CMIP: variants seen among roughly 807,000 people sequenced by gnomAD.
The protein encoded by CMIP is C-Maf-inducing protein.
In CMIP, 13 loss-of-function variants were observed where a neutral mutation model predicts 97.3. The ratio of observed to expected loss-of-function variants is 0.13; its 90% CI spans 0.09 to 0.21. CMIP has a LOEUF of 0.21. Among genes scored for constraint, CMIP ranks in the 10% least tolerant of loss-of-function variants. CMIP has a pLI of 1.00. For synonymous variants in CMIP, 538 were observed against 436.3 expected (o/e 1.23, Z -2.91); for missense variants, 847 against 1,024.9 (o/e 0.83, Z 2.37).
At chr16:81,691,934 G>T (rs1196706448) in intron 11 of CMIP, 94 bp downstream of exon 11, 2 of 1,110,822 alleles carry the variant, frequency 1.8e-6, no homozygotes, top group Non-Finnish European at 1.4e-6. Flanking sequence ...CATGTTATGG[G>T]GAAGCGAAGT....
At chr16:81,706,842 T>C (rs1289684632) in intron 19 of CMIP, among the ~76,000 whole-genome samples, 172 bp from the exon 20 acceptor site, 1 of 152,156 alleles carries the variant, frequency 6.6e-6, no homozygotes, top group Non-Finnish European at 1.5e-5. Flanking sequence ...AAATAGACTT[T>C]CGGTGTCTAG....
intron 1 of CMIP, among the ~76,000 whole-genome samples, chr16:81,459,787 A>C (rs751889833): frequency 6.6e-6 from 1 of 152,172 alleles, no homozygotes; most frequent in African/African-American, 2.4e-5. Context: ...TCGGGTCTGC[A>C]GTGACAGAGC....
At chr16:81,694,194 G>T (rs546650571) in intron 13 of CMIP, among the ~76,000 whole-genome samples, 1 of 152,210 alleles carries the variant, frequency 6.6e-6, no homozygotes, top group Non-Finnish European at 1.5e-5. Context: ...CAAGATTCGA[G>T]CCTGGTGCTG....
rs576613740 is a variant in CMIP at position 81,453,485 on chromosome 16, C to G, written c.300+7944C>G. On this transcript the variant is annotated intron_variant, in intron 1 of 20. Transcript: ENST00000537098. This position sits in a 1 kb window ranked among gnomAD's most constrained non-coding sequence, Gnocchi z 4.0. ...GCCAGTGCCAGTTTCCTTAGAGGTC[C>G]AGGATATCTGAAAATTGGAGCACAC... Among the ~76,000 whole-genome samples the G allele has an allele frequency of 6.6e-6, 1 of 152,260 alleles. No individual in the cohort carries two copies. The highest frequency in any genetic ancestry group is 2.1e-4 in the South Asian group (1 of 4,820).
chr16:81,649,185 A>T (rs1267570524), intron 3 of CMIP, among the ~76,000 whole-genome samples: 1 of 152,208 alleles, frequency 6.6e-6, no homozygotes, highest in African/African-American at 2.4e-5. Flanking sequence ...GTCCTCATGA[A>T]ATTTTAGCCC....
chr16:81,589,147 A>T (rs1217836413), intron 1 of CMIP, among the ~76,000 whole-genome samples: 2 of 151,394 alleles, frequency 1.3e-5, no homozygotes, highest in African/African-American at 4.9e-5. Flanking sequence ...AGGCTGCTGC[A>T]GTGCAGTGGC....
At chr16:81,672,153 G>A in intron 9 of CMIP, 83 bp downstream of exon 9, 1 of 787,440 alleles carries the variant, frequency 1.3e-6, no homozygotes, top group Non-Finnish European at 2.2e-6. Flanking sequence ...ACCAAGAACT[G>A]ACCAGGCCAG....
intron 2 of CMIP, chr16:81,617,006 C>T (rs75848019): frequency 6.6e-6 from 1 of 152,262 alleles, no homozygotes; most frequent in Non-Finnish European, 1.5e-5. Context: ...TGGGCCGGAC[C>T]CAGTCTGGCA....
chr16:81,670,298 G>T, intron 8 of CMIP, 53 bp downstream of exon 8: 2 of 1,544,974 alleles, frequency 1.3e-6, no homozygotes, highest in East Asian at 2.4e-5. Flanking sequence ...TTTCCTCTCG[G>T]ATCCTGTTTA....
intron 1 of CMIP, among the ~76,000 whole-genome samples, chr16:81,465,848 T>A (rs1400405795): frequency 6.6e-6 from 1 of 152,216 alleles, no homozygotes; most frequent in East Asian, 1.9e-4. Context: ...GCTCAGGGTC[T>A]TCTGGGTGTC....
intron 1 of CMIP, among the ~76,000 whole-genome samples, chr16:81,484,038 C>T (rs948573744): frequency 6.6e-6 from 1 of 152,122 alleles, no homozygotes; most frequent in African/African-American, 2.4e-5. Context: ...TGTTAAACAC[C>T]TACTGTGTCT....
At chr16:81,684,358 G>A (rs990336519) in intron 10 of CMIP, among the ~76,000 whole-genome samples, 1 of 152,226 alleles carries the variant, frequency 6.6e-6, no homozygotes, top group African/African-American at 2.4e-5. Flanking sequence ...GCCCCCACAG[G>A]GGCCTTCTCA....
chr16:81,522,798 C>G (rs750069566), intron 1 of CMIP, among the ~76,000 whole-genome samples: 2 of 152,096 alleles, frequency 1.3e-5, no homozygotes, highest in Non-Finnish European at 2.9e-5. Context: ...ACTTGACATT[C>G]ACCTCTAATT....
chr16:81,491,631 T>G (rs560451452), intron 1 of CMIP, among the ~76,000 whole-genome samples: 3 of 152,328 alleles, frequency 2.0e-5, no homozygotes, highest in Non-Finnish European at 4.4e-5. Flanking sequence ...CTGAATGGGT[T>G]TGGATGTATT....
chr16:81,554,967 G>C (rs2090732902), intron 1 of CMIP, among the ~76,000 whole-genome samples: 1 of 152,198 alleles, frequency 6.6e-6, no homozygotes, highest in Admixed American at 6.5e-5. Flanking sequence ...CCCCAGAAGG[G>C]GGGGTTTTTC....
chr16:81,683,241 C>T (rs1023983583), intron 10 of CMIP, among the ~76,000 whole-genome samples: 3 of 152,202 alleles, frequency 2.0e-5, no homozygotes, highest in Admixed American at 2.0e-4. Context: ...AGCCGTGGCC[C>T]ACTGGGGCCA....
intron 1 of CMIP, among the ~76,000 whole-genome samples, chr16:81,483,246 A>G (rs1182855679): frequency 6.6e-6 from 1 of 152,184 alleles, no homozygotes; most frequent in Admixed American, 6.5e-5. Context: ...TGCATGTGCA[A>G]AGGCCATGGG....
chr16:81,499,044 C>G (rs769977446), intron 1 of CMIP, among the ~76,000 whole-genome samples: 2 of 152,154 alleles, frequency 1.3e-5, no homozygotes, highest in Non-Finnish European at 2.9e-5. Context: ...GTTATTAGCG[C>G]CATTTTACAA....
At chr16:81,601,833 C>T (rs1197886557) in intron 1 of CMIP, among the ~76,000 whole-genome samples, 1 of 152,188 alleles carries the variant, frequency 6.6e-6, no homozygotes, top group Admixed American at 6.5e-5. Context: ...AGCGAGCGGT[C>T]CCACCAAACC....
Sources: gnomAD v4.1 joint callset for allele counts (sites outside exome capture counted in the v4.1 genomes callset) on GRCh38, gnomAD v4.1.1 for gene constraint, Gnocchi (gnomAD v3.1) non-coding constraint, MANE v1.5 for transcripts, NCBI Gene and HGNC (gene_info 2026-07-23, HGNC 2026-07-21) for gene names.